Variants in NTRK2 observed in about 807,000 individuals in gnomAD.
NTRK2 encodes the protein neurotrophic receptor tyrosine kinase 2.
In NTRK2, 13 loss-of-function variants were observed where a neutral mutation model predicts 94.5. The ratio of observed to expected loss-of-function variants is 0.14; its 90% confidence interval spans 0.09 to 0.22. The LOEUF (loss-of-function observed/expected upper bound fraction) is 0.22, where lower values mean the gene tolerates loss of function less well. Ranked by LOEUF, NTRK2 falls within the 10% of genes least tolerant of loss-of-function variation. NTRK2 has a pLI of 1.00. For missense variants in NTRK2, 639 were observed against 1,071.2 expected (o/e 0.60, Z 5.63); for synonymous variants, 372 against 407.4 (o/e 0.91, Z 1.05).
intron 12 of NTRK2, among the ~76,000 whole-genome samples, chr9:84,845,082 A>T (rs2074397810): frequency 6.6e-6 from 1 of 152,364 alleles, no homozygotes; most frequent in Middle Eastern, 3.4e-3. Flanking sequence ...TAGAACTACC[A>T]TTCGATCCAG....
rs1226944407 is a variant in NTRK2 at position 85,024,332 on chromosome 9, C to T, written c.*2895C>T. 3 of 232,944 alleles carry T rather than the reference C, an allele frequency of 1.3e-5. No homozygotes were observed. The highest frequency in any genetic ancestry group is 1.1e-4 in the Admixed American group (2 of 17,770). 14.4% of individuals were successfully genotyped at this position (232,944 alleles called of 1,614,324 possible). A position where few individuals can be genotyped will look rare whatever the true frequency, so the allele number is the denominator to read the frequency against. On this transcript the variant is annotated 3_prime_UTR_variant, in exon 19 of 19. Transcript: ENST00000277120. ...AAAATGTAATGATCACCAAATACGG[C>T]CTTCCATCAAATTTGTGAAAACTAC...
intron 6 of NTRK2, among the ~76,000 whole-genome samples, chr9:84,713,170 A>G (rs1340475185): frequency 6.6e-6 from 1 of 152,104 alleles, no homozygotes; most frequent in Non-Finnish European, 1.5e-5. Context: ...AGTATCTTAT[A>G]TGTTTATTGG....
chr9:84,968,078 T>C (rs1425533419), intron 17 of NTRK2, among the ~76,000 whole-genome samples: 1 of 152,196 alleles, frequency 6.6e-6, no homozygotes, highest in African/African-American at 2.4e-5. Flanking sequence ...GGCCTCCTTT[T>C]ATGTCTCAGC....
At chr9:84,783,649 T>G (rs1208855556) in intron 12 of NTRK2, among the ~76,000 whole-genome samples, 2 of 151,750 alleles carry the variant, frequency 1.3e-5, no homozygotes, top group Admixed American at 6.6e-5. Context: ...AGTGTGAGAG[T>G]TGGGGAAAGA....
intron 4 of NTRK2, among the ~76,000 whole-genome samples, chr9:84,705,005 A>G (rs968067230): frequency 6.6e-6 from 1 of 152,102 alleles, no homozygotes; most frequent in African/African-American, 2.4e-5. Context: ...TCTTCCCTCA[A>G]ATATCAACGC....
At chr9:85,000,453 C>T (rs572996740) in intron 17 of NTRK2, among the ~76,000 whole-genome samples, 4 of 152,234 alleles carry the variant, frequency 2.6e-5, no homozygotes, top group Non-Finnish European at 4.4e-5. Flanking sequence ...CTGTCTCCGT[C>T]GTTCTGGCTT....
rs529467204 is a variant in NTRK2, at chr9:84,746,801, A to G, written c.1296+1728A>G. Among the ~76,000 whole-genome samples the G allele has an allele frequency of 3.3e-5, 5 of 152,292 alleles. No individual in the cohort carries two copies. In the South Asian group the frequency reaches 1.0e-3, roughly 32 times the overall value. On this transcript the variant is annotated intron_variant, in intron 11 of 18. Transcript: ENST00000277120. The stretch of plus-strand genomic sequence containing the variant: ...ATGTGGCTTCAGCTAGGTGGCCAGC[A>G]TGCAGCCATTGCCCACTTCCATTTT...
At chr9:84,881,436 G>A (rs2076251367) in intron 14 of NTRK2, among the ~76,000 whole-genome samples, 1 of 152,156 alleles carries the variant, frequency 6.6e-6, no homozygotes, top group African/African-American at 2.4e-5. Context: ...AATTGCAGAT[G>A]GAAATAAATA....
chr9:84,724,479 C>A, intron 8 of NTRK2, 123 bp downstream of exon 8: 1 of 1,092,382 alleles, frequency 9.2e-7, no homozygotes, highest in Non-Finnish European at 1.4e-6. Flanking sequence ...GTGTTTTGTG[C>A]ATACTCTATT....
At chr9:84,737,467 G>A (rs143725426) in intron 9 of NTRK2, among the ~76,000 whole-genome samples, 1 of 152,156 alleles carries the variant, frequency 6.6e-6, no homozygotes, top group Non-Finnish European at 1.5e-5. Flanking sequence ...ATGGTGCAGT[G>A]CTTGGGTTTG....
chr9:84,728,886 C>T (rs1391925934), intron 9 of NTRK2, among the ~76,000 whole-genome samples: 2 of 152,240 alleles, frequency 1.3e-5, no homozygotes, highest in Non-Finnish European at 2.9e-5. Flanking sequence ...GTGTTCTTAC[C>T]TACTCAGTCT....
chr9:84,765,066 T>A (rs2065906299), intron 12 of NTRK2, among the ~76,000 whole-genome samples: 1 of 152,120 alleles, frequency 6.6e-6, no homozygotes, highest in Non-Finnish European at 1.5e-5. Flanking sequence ...GGAAGGGTAG[T>A]GAGGGATGCG....
At chr9:84,885,978 C>T (rs2076401174) in intron 14 of NTRK2, among the ~76,000 whole-genome samples, 1 of 151,876 alleles carries the variant, frequency 6.6e-6, no homozygotes, top group African/African-American at 2.4e-5. Context: ...TTGCAGTGAG[C>T]TGAGATTGCG....
At chr9:84,683,582 G>C (rs1028985061) in intron 2 of NTRK2, among the ~76,000 whole-genome samples, 1 of 152,028 alleles carries the variant, frequency 6.6e-6, no homozygotes, top group Non-Finnish European at 1.5e-5. Context: ...TCTTTATCCA[G>C]TCTATCATTG....
chr9:84,989,638 T>A (rs1213903380), intron 17 of NTRK2, among the ~76,000 whole-genome samples: 1 of 152,268 alleles, frequency 6.6e-6, no homozygotes, highest in Non-Finnish European at 1.5e-5. Context: ...GCAGAGTTTT[T>A]GACCTGCAGT....
chr9:84,858,351 TG>T (rs1206687001), intron 12 of NTRK2, among the ~76,000 whole-genome samples: 6 of 152,142 alleles, frequency 3.9e-5, no homozygotes, highest in Admixed American at 2.0e-4. Context: ...GTTTGTTTGT[TG>T]TTTTTTTGCC....
chr9:84,681,516 G>C (rs1042259809), intron 2 of NTRK2, among the ~76,000 whole-genome samples: 4 of 152,310 alleles, frequency 2.6e-5, no homozygotes, highest in Middle Eastern at 3.4e-3. Flanking sequence ...GGGATATGGT[G>C]AGAAAAACTG....
intron 12 of NTRK2, among the ~76,000 whole-genome samples, chr9:84,776,252 C>A (rs2067031291): frequency 6.6e-6 from 1 of 152,070 alleles, no homozygotes; most frequent in Non-Finnish European, 1.5e-5. Flanking sequence ...GACAGAGTCT[C>A]ACTCTGTCGC....
intron 2 of NTRK2, among the ~76,000 whole-genome samples, chr9:84,697,047 A>G (rs1433178812): frequency 6.6e-6 from 1 of 152,146 alleles, no homozygotes; most frequent in Non-Finnish European, 1.5e-5. Context: ...GATTATTAAT[A>G]AAGGTTGAGG....
Sources: gnomAD v4.1 joint callset for allele counts (sites outside exome capture counted in the v4.1 genomes callset) on GRCh38, gnomAD v4.1.1 for gene constraint, MANE v1.5 for transcripts, NCBI Gene and HGNC (gene_info 2026-07-23, HGNC 2026-07-21) for gene names.